CLSTN3: variants seen among roughly 807,000 people sequenced by gnomAD.
CLSTN3 encodes the protein calsyntenin 3.
A neutral mutation model predicts 95.9 loss-of-function variants in CLSTN3; 36 were observed. The ratio of observed to expected loss-of-function variants is 0.38; its 90% CI spans 0.29 to 0.50. CLSTN3 has a LOEUF of 0.50. CLSTN3 is among the 20% of genes least tolerant of loss of function. The probability of loss-of-function intolerance (pLI) is 0.95; values close to 1 mark genes in which losing one functional copy is unlikely to be tolerated. For synonymous variants in CLSTN3, 481 were observed against 504.0 expected, an observed-to-expected ratio of 0.95 and a Z score of 0.61; for missense variants, 1,084 against 1,268.8, an observed-to-expected ratio of 0.85 and a Z score of 2.21.
In CLSTN3 at chr12:7,149,091, TGGACTTTGAG is replaced by T; in HGVS notation, c.1971_1980del (p.Asp657GlufsTer33). 6.2e-7 allele frequency: 1 copy of T among 1,614,232 alleles called. No individual in the cohort carries two copies. Among genetic ancestry groups the T allele is most frequent in the East Asian group, 2.2e-5 (1 of 44,886 alleles). ...ACTGCTCATTTTGCCCGCCCAGCTGTGGACTTTGAGGGAACCAACGGCGTCCCTTTGTTCC... is the reference window on the plus strand; with the variant it reads ...ACTGCTCATTTTGCCCGCCCAGCTGTGGAACCAACGGCGTCCCTTTGTTCC... On this transcript the variant is annotated frameshift_variant, in exon 13 of 18. Coordinates refer to ENST00000266546, the MANE Select transcript of CLSTN3 (RefSeq NM_014718.4). LOFTEE classifies it high-confidence loss of function. The surrounding 1 kb of genome is among the most constrained non-coding windows in gnomAD (Gnocchi z 4.5).
In CLSTN3 at chr12:7,141,540, G is replaced by T. The variant is rs1250882698; in HGVS notation, c.1486+136G>T. The T allele has an allele frequency of 5.5e-6, 5 of 908,126 alleles. No homozygotes were observed. Among genetic ancestry groups the T allele is most frequent in the Non-Finnish European group, 8.8e-6 (5 of 567,294 alleles). 56.3% of individuals were successfully genotyped at this position (908,126 alleles called of 1,614,324 possible). A position where few individuals can be genotyped will look rare whatever the true frequency, so the allele number is the denominator to read the frequency against. On this transcript the variant is annotated intron_variant, in intron 9 of 17. Coordinates refer to ENST00000266546, the MANE Select transcript of CLSTN3 (RefSeq NM_014718.4). This position sits in a 1 kb window ranked among gnomAD's most constrained non-coding sequence, Gnocchi z 4.1. Reference sequence around the variant, plus strand: ...TGCAGCTGTGCAGGGTGACTCTGAAGATCTCCATGGGAAGGGACCACAGCC... The same window carrying T: ...TGCAGCTGTGCAGGGTGACTCTGAATATCTCCATGGGAAGGGACCACAGCC...
chr12:7,151,963 A>G (rs1182960012), intron 16 of CLSTN3, among the ~76,000 whole-genome samples: 1 of 149,886 alleles, frequency 6.7e-6, no homozygotes, highest in Non-Finnish European at 1.5e-5. Context: ...CTGAGGTAGG[A>G]GGATCTCTTG....
chr12:7,140,649 A>G (rs766492041), intron 8 of CLSTN3, among the ~76,000 whole-genome samples: 8 of 152,280 alleles, frequency 5.3e-5, no homozygotes, highest in African/African-American at 1.9e-4. Context: ...TATCCTAGAG[A>G]TAACCTGTGA....
At chr12:7,135,561 C>G (rs1315624159) in intron 4 of CLSTN3, 26 bp downstream of exon 4, 1 of 1,607,936 alleles carries the variant, frequency 6.2e-7, no homozygotes, top group South Asian at 1.1e-5. Context: ...GCTTCCCTGG[C>G]CACCCAGTTC....
At chr12:7,132,853 T>C (rs1311766595) in intron 1 of CLSTN3, 171 bp from the exon 2 acceptor site, 1 of 796,728 alleles carries the variant, frequency 1.3e-6, no homozygotes, top group Admixed American at 2.1e-5. Flanking sequence ...CTCTGACTCC[T>C]TTAGTAGCTG....
At chr12:7,142,163 G>T in intron 10 of CLSTN3, 24 bp downstream of exon 10, 1 of 1,580,246 alleles carries the variant, frequency 6.3e-7, no homozygotes, top group South Asian at 1.1e-5. Flanking sequence ...AAGAACTGGA[G>T]ACCAGAGAGT....
intron 12 of CLSTN3, among the ~76,000 whole-genome samples, chr12:7,148,250 T>C (rs1939663112): frequency 6.6e-6 from 1 of 152,098 alleles, no homozygotes; most frequent in African/African-American, 2.4e-5. Context: ...GCAAGGGCTA[T>C]TGATTGTGAG....
intron 16 of CLSTN3, among the ~76,000 whole-genome samples, chr12:7,155,188 C>T (rs1278323244): frequency 6.6e-6 from 1 of 152,168 alleles, no homozygotes; most frequent in Non-Finnish European, 1.5e-5. Flanking sequence ...ATTAACTGCT[C>T]AGATCTCATG....
chr12:7,142,968 A>T lies in CLSTN3; in HGVS notation c.1640A>T (p.Tyr547Phe). Residue 547 changes from tyrosine (Y) to phenylalanine (F), a missense_variant, in exon 11 of 18, where the codon TAT becomes TTT. By Grantham distance (22) the Tyr-to-Phe change is conservative. Transcript: ENST00000266546. ...LESREVIECL[Y>F]ACREGLDYRD... is the part of the protein sequence containing the mutation. ...AGCCGCGAGGTCATCGAGTGCCTCT[A>T]TGCATGTCGGGAGGGGCTGGACTAT... The T allele has an allele frequency of 6.2e-7, 1 of 1,614,152 alleles. No individual in the cohort carries two copies. Among genetic ancestry groups the T allele is most frequent in the Non-Finnish European group, 8.5e-7 (1 of 1,180,008 alleles).
At position 7,133,470 on chromosome 12, in the gene CLSTN3, A is replaced by T; in HGVS notation, c.188-103A>T. 1 of 1,152,062 alleles carries T rather than the reference A, an allele frequency of 8.7e-7. No individual in the cohort carries two copies. Among genetic ancestry groups the T allele is most frequent in the South Asian group, 1.4e-5 (1 of 73,548 alleles). 71.4% of individuals were successfully genotyped at this position (1,152,062 alleles called of 1,614,324 possible). On this transcript the variant is annotated intron_variant, in intron 2 of 17. Transcript: ENST00000266546. This position sits in a 1 kb window ranked among gnomAD's most constrained non-coding sequence, Gnocchi z 4.7. Reference sequence around the variant, plus strand: ...TGCTTTTGTGCCTACAGGAGAAGGGACAGGGCTTTGGGAGGAGAGGTGGAG... The same window carrying T: ...TGCTTTTGTGCCTACAGGAGAAGGGTCAGGGCTTTGGGAGGAGAGGTGGAG...
In CLSTN3 at chr12:7,141,854, G is replaced by C. The variant is rs1939531016; in HGVS notation, c.1487-232G>C. 6.6e-6 allele frequency among the ~76,000 whole-genome samples: 1 copy of C among 152,186 alleles called. No individual in the cohort carries two copies. The highest frequency in any genetic ancestry group is 2.1e-4 in the South Asian group (1 of 4,830). ...CCAGAGCCCACGTGTTTCCTCAGCA[G>C]CATATCGTATTTGGGGGTTTGTCTA... is the stretch of plus-strand genomic sequence containing the variant. On this transcript the variant is annotated intron_variant, in intron 9 of 17. Coordinates refer to ENST00000266546, the MANE Select transcript of CLSTN3 (RefSeq NM_014718.4). This position sits in a 1 kb window ranked among gnomAD's most constrained non-coding sequence, Gnocchi z 4.1.
chr12:7,129,546 T>G (rs1201993241), upstream of CLSTN3: 1 of 908,374 alleles, frequency 1.1e-6, no homozygotes, highest in African/African-American at 1.8e-5. The surrounding 1 kb of genome is among the most constrained non-coding windows in gnomAD (Gnocchi z 5.5). Context: ...CTTTTTGGCT[T>G]GGGACCCAGG....
At position 7,141,305 on chromosome 12, in the gene CLSTN3, A is replaced by G. The variant is rs771224492; in HGVS notation, c.1387A>G (p.Thr463Ala). ...CGAGTTCCCCACAGTCACACTCTAT[A>G]CCGACGGCATCTCCTTCGACCCTGC... ...NLEFPTVTLYTDGISFDPALI... is the reference protein window; with the variant it reads ...NLEFPTVTLYADGISFDPALI... Residue 463 changes from threonine (T) to alanine (A), a missense_variant, in exon 9 of 18, where the codon ACC (threonine) becomes GCC (alanine). Transcript: ENST00000266546. The surrounding 1 kb of genome is among the most constrained non-coding windows in gnomAD (Gnocchi z 4.1). The G allele has an allele frequency of 5.6e-6, 9 of 1,614,178 alleles. No homozygotes were observed. The East Asian group carries it at 2.0e-4, about 36-fold the overall frequency.
rs1939284477 is a variant in CLSTN3, at chr12:7,130,789, G to A, written c.64+77G>A. ...TGCGGGGTGGGGGTGGGAAGGAGGT[G>A]TCGAGGCTCCCTGGCACCTGACAGG... On this transcript the variant is annotated intron_variant, in intron 1 of 17. Transcript: ENST00000266546. 19 of 1,336,292 alleles carry A rather than the reference G, an allele frequency of 1.4e-5. 1 individual carries two copies. In the South Asian group the frequency reaches 2.4e-4, roughly 17 times the overall value. 82.8% of individuals were successfully genotyped at this position (1,336,292 alleles called of 1,614,324 possible).
intron 12 of CLSTN3, among the ~76,000 whole-genome samples, chr12:7,148,362 G>A (rs1043336656): frequency 6.6e-6 from 1 of 152,160 alleles, no homozygotes; most frequent in African/African-American, 2.4e-5. Context: ...AGTCCTCTAA[G>A]GATAGCTTGT....
At chr12:7,155,028 CG>C (rs143071487) in intron 16 of CLSTN3, among the ~76,000 whole-genome samples, 2,383 of 152,180 alleles carry the variant, frequency 0.016, 73 homozygotes, top group African/African-American at 0.054. Flanking sequence ...CCTGGGAGTG[CG>C]GGGGGCAGAA....
At chr12:7,131,395 A>T (rs984365073) in intron 1 of CLSTN3, 2 of 220,704 alleles carry the variant, frequency 9.1e-6, no homozygotes, top group African/African-American at 4.7e-5. Context: ...AAAGGGCAGA[A>T]GTGGGTGTGT....
At chr12:7,152,167 G>A (rs1939735428) in intron 16 of CLSTN3, among the ~76,000 whole-genome samples, 1 of 151,652 alleles carries the variant, frequency 6.6e-6, no homozygotes, top group South Asian at 2.1e-4. Context: ...TTTTTTCTAT[G>A]CTTAATTTTT....
intron 3 of CLSTN3, among the ~76,000 whole-genome samples, chr12:7,134,272 C>T (rs747422175): frequency 1.3e-5 from 2 of 152,206 alleles, no homozygotes; most frequent in Admixed American, 6.5e-5. Flanking sequence ...ACCACACACA[C>T]GATCCCTATC....
Sources: allele counts gnomAD v4.1 joint callset (sites outside exome capture counted in the v4.1 genomes callset), GRCh38; gene constraint gnomAD v4.1.1; non-coding constraint Gnocchi (gnomAD v3.1); transcripts MANE v1.5; gene names NCBI Gene and HGNC (gene_info 2026-07-23, HGNC 2026-07-21).